AKAP6: variants seen among roughly 807,000 people sequenced by gnomAD.
AKAP6 encodes the protein A-kinase anchoring protein 6.
Under a neutral mutation model 188.5 loss-of-function variants are expected in AKAP6, and 58 were observed. The observed-to-expected ratio is 0.31, with a 90% CI of 0.25 to 0.38. The LOEUF (loss-of-function observed/expected upper bound fraction) is 0.38. Ranked by LOEUF, AKAP6 falls within the 10% of genes least tolerant of loss-of-function variation. AKAP6 has a pLI of 1.00. For synonymous variants in AKAP6, 989 were observed against 998.6 expected, an observed-to-expected ratio of 0.99 and a Z score of 0.18; for missense variants, 2,710 against 2,740.0, an observed-to-expected ratio of 0.99 and a Z score of 0.24.
chr14:32,355,781 CTTTTT>C (rs56318246), intron 1 of AKAP6, among the ~76,000 whole-genome samples: 24 of 146,654 alleles, frequency 1.6e-4, no homozygotes, highest in South Asian at 4.3e-4. Context: ...CTTTTCTTTT[CTTTTT>C]TTTTTTGAGA....
chr14:32,441,864 A>G (rs1235852948), intron 2 of AKAP6, among the ~76,000 whole-genome samples: 1 of 152,248 alleles, frequency 6.6e-6, no homozygotes, highest in East Asian at 1.9e-4. Flanking sequence ...TAGAGAAAGT[A>G]ATACATTTCA....
intron 1 of AKAP6, among the ~76,000 whole-genome samples, chr14:32,408,891 A>G (rs945862473): frequency 1.3e-5 from 2 of 152,130 alleles, no homozygotes; most frequent in Non-Finnish European, 2.9e-5. Context: ...ATATAACCCA[A>G]TAAGATTAGT....
At chr14:32,510,394 GTATATATA>G (rs61206931) in intron 2 of AKAP6, among the ~76,000 whole-genome samples, 9 of 63,296 alleles carry the variant, frequency 1.4e-4, no homozygotes, top group African/African-American at 2.3e-4. Context: ...ATATATATGT[GTATATATA>G]TGTATATATA....
At position 32,822,132 on chromosome 14, in the gene AKAP6, T is replaced by C. The variant is rs559363146; in HGVS notation, c.4319T>C (p.Val1440Ala). Residue 1440 changes from valine (V) to alanine (A), a missense_variant, in exon 13 of 14, where the codon GTT becomes GCT. This residue lies in a region of AKAP6 where 2,473 missense variants were observed against 2,426.1 expected (regional missense o/e 1.02). Coordinates refer to ENST00000280979, the MANE Select transcript of AKAP6 (RefSeq NM_004274.5). ...CCAGTGGGTTGTGTAAATGGAAAAG[T>C]TGGAGATTTAAACAGTATTACCAAA... ...ISPVGCVNGK[V>A]GDLNSITKHT... is the part of the protein sequence containing the mutation. 1.9e-6 allele frequency: 3 copies of C among 1,613,814 alleles called. No individual in the cohort carries two copies. Among genetic ancestry groups the C allele is most frequent in the East Asian group, 2.2e-5 (1 of 44,860 alleles).
chr14:32,790,838 A>G (rs917699560), intron 12 of AKAP6, among the ~76,000 whole-genome samples: 2 of 152,060 alleles, frequency 1.3e-5, no homozygotes, highest in Non-Finnish European at 2.9e-5. Context: ...CTCATTGTTC[A>G]GCTTCCACTT....
intron 2 of AKAP6, among the ~76,000 whole-genome samples, chr14:32,512,370 T>A (rs939586431): frequency 7.9e-5 from 12 of 152,164 alleles, no homozygotes; most frequent in Non-Finnish European, 1.2e-4. Flanking sequence ...AAGCAATGAG[T>A]TTAAAAATTA....
chr14:32,692,246 A>G (rs1890213938), intron 8 of AKAP6, among the ~76,000 whole-genome samples: 2 of 152,222 alleles, frequency 1.3e-5, no homozygotes, highest in Admixed American at 1.3e-4. Flanking sequence ...TCGAAGGCCC[A>G]TGATAAGGAG....
chr14:32,469,416 C>T (rs1198667386), intron 2 of AKAP6, among the ~76,000 whole-genome samples: 1 of 152,100 alleles, frequency 6.6e-6, no homozygotes, highest in African/African-American at 2.4e-5. Context: ...TATTAAACTA[C>T]CAGTAGATTC....
At chr14:32,813,657 C>T (rs935869793) in intron 12 of AKAP6, among the ~76,000 whole-genome samples, 5 of 152,136 alleles carry the variant, frequency 3.3e-5, no homozygotes, top group African/African-American at 1.2e-4. Context: ...CCTATTATAC[C>T]ACAGCTTCTT....
chr14:32,719,824 A>G (rs2139782348), intron 9 of AKAP6, among the ~76,000 whole-genome samples: 1 of 152,292 alleles, frequency 6.6e-6, no homozygotes, highest in South Asian at 2.1e-4. Context: ...TCCAATTTTC[A>G]GAGAGATCCA....
Position 32,830,064 on chromosome 14 carries a change from C to A in AKAP6, c.*259C>A. The A allele has an allele frequency of 1.5e-6, 1 of 672,798 alleles. No homozygotes were observed. The highest frequency in any genetic ancestry group is 2.1e-5 in the Admixed American group (1 of 47,778). The allele number at this position is 672,798 out of a possible 1,614,324, so 41.7% of individuals were successfully genotyped here. On this transcript the variant is annotated 3_prime_UTR_variant, in exon 14 of 14. Coordinates refer to ENST00000280979, the MANE Select transcript of AKAP6 (RefSeq NM_004274.5). ...AAGTTCAGCAAAGCTGCTTGTTCTC[C>A]CATGGATTCCTGTCCCAAGCTACCT...
At chr14:32,414,687 CA>C (rs1889600127) in intron 1 of AKAP6, among the ~76,000 whole-genome samples, 1 of 152,084 alleles carries the variant, frequency 6.6e-6, no homozygotes, top group African/African-American at 2.4e-5. Context: ...ATATAATTAA[CA>C]TTTTTTTGTC....
At chr14:32,540,168 C>CTCTATATATA (rs1240063339) in intron 3 of AKAP6, among the ~76,000 whole-genome samples, 19 of 60,916 alleles carry the variant, frequency 3.1e-4, no homozygotes, top group Admixed American at 1.8e-3. Flanking sequence ...CTCTCTCTCT[C>CTCTATATATA]TATATATATA....
intron 9 of AKAP6, among the ~76,000 whole-genome samples, chr14:32,699,323 A>G (rs1309100224): frequency 6.6e-6 from 1 of 152,226 alleles, no homozygotes; most frequent in African/African-American, 2.4e-5. Context: ...ATTTAGGCTA[A>G]TCCAAAGCCA....
intron 5 of AKAP6, among the ~76,000 whole-genome samples, chr14:32,588,889 A>G (rs899936177): frequency 6.6e-5 from 10 of 152,238 alleles, no homozygotes; most frequent in African/African-American, 2.4e-4. Flanking sequence ...GTCTCATAAG[A>G]AAAACCAATA....
chr14:32,573,879 G>A (rs2139253400), intron 4 of AKAP6, among the ~76,000 whole-genome samples: 1 of 152,282 alleles, frequency 6.6e-6, no homozygotes, highest in East Asian at 1.9e-4. Context: ...TGTGTATAGA[G>A]GGGCACTTTC....
At chr14:32,719,893 T>G (rs921429926) in intron 9 of AKAP6, among the ~76,000 whole-genome samples, 1 of 152,046 alleles carries the variant, frequency 6.6e-6, no homozygotes, top group Non-Finnish European at 1.5e-5. Context: ...TAACATTACT[T>G]GCAATTGTAG....
At chr14:32,804,519 AC>A (rs1205821560) in intron 12 of AKAP6, among the ~76,000 whole-genome samples, 4 of 152,352 alleles carry the variant, frequency 2.6e-5, no homozygotes, top group African/African-American at 9.6e-5. Context: ...AAAAAGCAGA[AC>A]AAAGATCACA....
chr14:32,516,752 G>A (rs1881542477), intron 2 of AKAP6, among the ~76,000 whole-genome samples: 1 of 152,060 alleles, frequency 6.6e-6, no homozygotes, highest in Admixed American at 6.6e-5. Flanking sequence ...GAACTCATAG[G>A]TGTTTTATTT....
Sources: gnomAD v4.1 joint callset for allele counts (sites outside exome capture counted in the v4.1 genomes callset) on GRCh38, gnomAD v4.1.1 for gene constraint, gnomAD v4.1.1 regional missense constraint, MANE v1.5 for transcripts, NCBI Gene and HGNC (gene_info 2026-07-23, HGNC 2026-07-21) for gene names.